Variants in UBIAD1 observed in about 807,000 individuals in gnomAD.
UBIAD1 encodes the protein ubiA prenyltransferase domain-containing protein 1.
A neutral mutation model predicts 20.1 loss-of-function variants in UBIAD1; 12 were observed. That is an observed-to-expected ratio of 0.60 (90% confidence interval 0.38 to 0.97). The LOEUF (loss-of-function observed/expected upper bound fraction) is 0.97, where lower values mean the gene tolerates loss of function less well. Among genes scored for constraint, UBIAD1 ranks in the 50% least tolerant of loss-of-function variants. The pLI is 0.00. For missense variants in UBIAD1, 333 were observed against 419.5 expected (o/e 0.79, Z 1.80); for synonymous variants, 207 against 189.2 (o/e 1.09, Z -0.77).
downstream of UBIAD1, among the ~76,000 whole-genome samples, chr1:11,298,036 C>T (rs1266203436): frequency 6.6e-6 from 1 of 152,040 alleles, no homozygotes; most frequent in Non-Finnish European, 1.5e-5. This position sits in a 1 kb window ranked among gnomAD's most constrained non-coding sequence, Gnocchi z 4.0. Context: ...TCTCGGCTCA[C>T]TGCCACCTCC....
Position 11,285,968 on chromosome 1 carries a change from T to G in UBIAD1, c.854T>G (p.Leu285Arg), listed in dbSNP as rs1638256180. ...ACACACTGCACCATCAGCCTGGCAC[T>G]CCCCCTGCTTACCATTCCCATGGCC... Reference protein sequence around the residue: ...LATHCTISLALPLLTIPMAFS... With the variant: ...LATHCTISLARPLLTIPMAFS... The change falls in exon 2 of 2, where the codon CTC becomes CGC. Residue 285 changes from leucine (L) to arginine (R), a missense_variant. Physicochemically the swap from Leu to Arg is moderately radical, Grantham distance 102 (BLOSUM62 -2). Around this residue, in one of 3 missense-constraint regions of UBIAD1, gnomAD observed 226 missense variants for 263.5 expected, o/e 0.86. Transcript: ENST00000376810. This position sits in a 1 kb window ranked among gnomAD's most constrained non-coding sequence, Gnocchi z 4.4. 6.2e-7 allele frequency: 1 copy of G among 1,614,156 alleles called. No individual in the cohort carries two copies.
At position 11,273,737 on chromosome 1, in the gene UBIAD1, GTGCCCT is replaced by G. The variant is rs1318246270; in HGVS notation, c.211_216del (p.Leu71_Ala72del). 1 of 1,614,026 alleles carries G rather than the reference GTGCCCT, an allele frequency of 6.2e-7. No homozygotes were observed. The highest frequency in any genetic ancestry group is 8.5e-7 in the Non-Finnish European group (1 of 1,180,030). ...TCACTCACACCGGTGGCCCTGGGCA[GTGCCCT>G]TGCCTACAGATCCCACGGTGTCCTG... On this transcript the variant is annotated inframe_deletion, in exon 1 of 2. Coordinates refer to ENST00000376810, the MANE Select transcript of UBIAD1 (RefSeq NM_013319.3). This position sits in a 1 kb window ranked among gnomAD's most constrained non-coding sequence, Gnocchi z 4.9.
At chr1:11,281,168 T>C (rs1272125793) in intron 1 of UBIAD1, among the ~76,000 whole-genome samples, 2 of 152,172 alleles carry the variant, frequency 1.3e-5, no homozygotes, top group Non-Finnish European at 2.9e-5. Flanking sequence ...TGTGGTTCAC[T>C]TTCTCACTTC....
chr1:11,281,025 TC>T (rs1291286458), intron 1 of UBIAD1, among the ~76,000 whole-genome samples: 1 of 151,978 alleles, frequency 6.6e-6, no homozygotes, highest in East Asian at 1.9e-4. Context: ...CCTCCTCCTT[TC>T]TTCCTGCTCA....
rs1300919225 is a variant in UBIAD1, at chr1:11,273,530, C to T, written c.-2C>T. The T allele has an allele frequency of 6.2e-7, 1 of 1,611,842 alleles. No homozygotes were observed. The highest frequency in any genetic ancestry group is 1.3e-5 in the African/African-American group (1 of 75,030). On this transcript the variant is annotated 5_prime_UTR_variant, in exon 1 of 2. Coordinates refer to ENST00000376810, the MANE Select transcript of UBIAD1 (RefSeq NM_013319.3). This position sits in a 1 kb window ranked among gnomAD's most constrained non-coding sequence, Gnocchi z 4.9. ...AGTTTACTTCAACCACGTGGAGCTTCCATGGCGGCCTCTCAGGTCCTGGGG... is the reference window on the plus strand; with the variant it reads ...AGTTTACTTCAACCACGTGGAGCTTTCATGGCGGCCTCTCAGGTCCTGGGG...
chr1:11,289,369 C>G (rs1414278213), downstream of UBIAD1, among the ~76,000 whole-genome samples: 2 of 152,064 alleles, frequency 1.3e-5, no homozygotes. Flanking sequence ...CAATTAGGAG[C>G]CTCATAAATC....
At chr1:11,275,931 A>G (rs1051244831) in intron 1 of UBIAD1, among the ~76,000 whole-genome samples, 6 of 152,172 alleles carry the variant, frequency 3.9e-5, no homozygotes, top group African/African-American at 1.4e-4. Context: ...GAGAGAGTAA[A>G]GAGAGGTAAA....
At chr1:11,278,479 A>G (rs1652133127) in intron 1 of UBIAD1, 1 of 404,458 alleles carries the variant, frequency 2.5e-6, no homozygotes. Context: ...TATTCTTACA[A>G]ATGTCCAGGT....
downstream of UBIAD1, chr1:11,295,609 G>A (rs1638434858): frequency 6.6e-6 from 1 of 152,360 alleles, no homozygotes. Flanking sequence ...CAGGAGCGCT[G>A]AGCCCAAGTC....
downstream of UBIAD1, among the ~76,000 whole-genome samples, chr1:11,291,742 T>TAA (rs1156427340): frequency 6.6e-6 from 1 of 152,196 alleles, no homozygotes; most frequent in Non-Finnish European, 1.5e-5. Context: ...TTTCTCAGTG[T>TAA]AAGAACCACA....
At chr1:11,275,863 G>A (rs1652004691) in intron 1 of UBIAD1, among the ~76,000 whole-genome samples, 1 of 152,154 alleles carries the variant, frequency 6.6e-6, no homozygotes, top group Admixed American at 6.6e-5. Context: ...TAGGCCTTCA[G>A]GCAGGAATGT....
downstream of UBIAD1, among the ~76,000 whole-genome samples, chr1:11,289,201 A>T (rs1027027768): frequency 1.3e-5 from 2 of 152,256 alleles, no homozygotes; most frequent in Non-Finnish European, 2.9e-5. Flanking sequence ...CTAACTGATC[A>T]GCATGTCAGT....
rs777669925 is a variant in UBIAD1 at position 11,285,969 on chromosome 1, C to T, written c.855C>T (p.Leu285=). ...CACACTGCACCATCAGCCTGGCACT[C>T]CCCCTGCTTACCATTCCCATGGCCT... ...LATHCTISLA[L]PLLTIPMAFS... Residue 285 remains leucine (L), a synonymous_variant, in exon 2 of 2, where the codon CTC becomes CTT. Coordinates refer to ENST00000376810, the MANE Select transcript of UBIAD1 (RefSeq NM_013319.3). The surrounding 1 kb of genome is among the most constrained non-coding windows in gnomAD (Gnocchi z 4.4). 6 of 1,614,100 alleles carry T rather than the reference C, an allele frequency of 3.7e-6. No homozygotes were observed. Among genetic ancestry groups the T allele is most frequent in the Non-Finnish European group, 4.2e-6 (5 of 1,180,058 alleles).
downstream of UBIAD1, among the ~76,000 whole-genome samples, chr1:11,289,624 G>A (rs1429423338): frequency 6.6e-6 from 1 of 152,002 alleles, no homozygotes; most frequent in African/African-American, 2.4e-5. Flanking sequence ...ATGGAGTGGC[G>A]TGATCTCGGC....
At chr1:11,289,759 C>T (rs779555662), downstream of UBIAD1, among the ~76,000 whole-genome samples, 23 of 151,498 alleles carry the variant, frequency 1.5e-4, no homozygotes, top group Non-Finnish European at 2.1e-4. Flanking sequence ...TTATATATAT[C>T]TCACTCTGTC....
chr1:11,276,096 T>A (rs923030437), intron 1 of UBIAD1, among the ~76,000 whole-genome samples: 1 of 152,040 alleles, frequency 6.6e-6, no homozygotes, highest in African/African-American at 2.4e-5. Flanking sequence ...TTGCTCTGGG[T>A]AAGGTATTGA....
chr1:11,299,207 T>C (rs1447155623), downstream of UBIAD1, among the ~76,000 whole-genome samples: 1 of 152,160 alleles, frequency 6.6e-6, no homozygotes, highest in Non-Finnish European at 1.5e-5. Context: ...GACAGCAACA[T>C]GTCAAGGCCG....
chr1:11,273,242 C>A lies in UBIAD1; in HGVS notation c.-290C>A. On this transcript the variant is annotated 5_prime_UTR_variant, in exon 1 of 2. It adds an upstream start codon to the 5' untranslated region. Transcript: ENST00000376810. This position sits in a 1 kb window ranked among gnomAD's most constrained non-coding sequence, Gnocchi z 4.9. ...GAGGCCGGCGCACAAGATGGCGGCT[C>A]TGGCGGCCTAAAGAAGGCGGCCGCG... 2.3e-6 allele frequency: 1 copy of A among 437,606 alleles called. No individual in the cohort carries two copies. Among genetic ancestry groups the A allele is most frequent in the Non-Finnish European group, 4.2e-6 (1 of 239,932 alleles). The allele number at this position is 437,606 out of a possible 1,614,324, so 27.1% of individuals were successfully genotyped here.
chr1:11,294,388 G>A (rs1400262543), intron 1 of UBIAD1, among the ~76,000 whole-genome samples: 2 of 152,138 alleles, frequency 1.3e-5, no homozygotes, highest in Admixed American at 6.5e-5. Context: ...GCCTCAAGCA[G>A]TCTTACCTTG....
Sources: allele counts gnomAD v4.1 joint callset (sites outside exome capture counted in the v4.1 genomes callset), GRCh38; gene constraint gnomAD v4.1.1; regional missense constraint gnomAD v4.1.1; non-coding constraint Gnocchi (gnomAD v3.1); transcripts MANE v1.5; gene names NCBI Gene and HGNC (gene_info 2026-07-23, HGNC 2026-07-21).